The following DPP6 variants were observed in gnomAD, a reference collection of about 807,000 sequenced individuals.
The protein encoded by DPP6 is A-type potassium channel modulatory protein DPP6.
DPP6 carries 69 observed loss-of-function variants against 122.6 expected under a neutral mutation model. The observed-to-expected ratio is 0.56, with a 90% CI of 0.46 to 0.69. The LOEUF is 0.69. Ranked by LOEUF, DPP6 falls within the 30% of genes least tolerant of loss-of-function variation. The pLI, the probability that DPP6 is intolerant of heterozygous loss-of-function variation, is 0.00. For missense variants in DPP6, 928 were observed against 1,116.9 expected, an observed-to-expected ratio of 0.83 and a Z score of 2.41; for synonymous variants, 418 against 433.1, an observed-to-expected ratio of 0.97 and a Z score of 0.43.
At position 154,772,897 on chromosome 7, in the gene DPP6, C is replaced by T; in HGVS notation, c.1091C>T (p.Pro364Leu). ...CTACACGTTATTGGCTTAAATGGAC[C>T]CACCCATGATCTGGAGATGATGCCG... Reference protein sequence around the residue: ...ISLHVIGLNGPTHDLEMMPPD... With the variant: ...ISLHVIGLNGLTHDLEMMPPD... Residue 364 changes from proline to leucine, a missense_variant, in exon 10 of 26, where the codon CCC (proline) becomes CTC (leucine). By Grantham distance (98) the Pro-to-Leu change is moderately conservative (BLOSUM62 -3). Coordinates refer to ENST00000377770, the MANE Select transcript of DPP6 (RefSeq NM_130797.4). 1.2e-6 allele frequency: 2 copies of T among 1,612,936 alleles called. No individual in the cohort carries two copies. The highest frequency in any genetic ancestry group is 1.7e-6 in the Non-Finnish European group (2 of 1,179,550).
At chr7:153,834,795 A>G in the DPP6 span, among the ~76,000 whole-genome samples, 1 of 151,104 alleles carries the variant, frequency 6.6e-6, no homozygotes, top group Non-Finnish European at 1.5e-5. Context: ...TTTCATATAG[A>G]GAAACAACGT....
intron 5 of DPP6, among the ~76,000 whole-genome samples, chr7:154,630,940 AAAGT>A (rs1835370466): frequency 6.6e-6 from 1 of 152,218 alleles, no homozygotes; most frequent in African/African-American, 2.4e-5. Context: ...CCCAGAACTT[AAAGT>A]AAAATTTAAA....
chr7:154,887,732 G>A lies in DPP6; in HGVS notation c.2302G>A (p.Glu768Lys), dbSNP rs773332474. The A allele has an allele frequency of 5.0e-6, 8 of 1,613,760 alleles. No individual in the cohort carries two copies. The highest frequency in any genetic ancestry group is 6.8e-6 in the Non-Finnish European group (8 of 1,179,720). The change falls in exon 23 of 26, where the codon GAG becomes AAG. Residue 768 changes from glutamate (E) to lysine (K), a missense_variant and splice_region_variant. By Grantham distance (56) the Glu-to-Lys change is moderately conservative. Transcript: ENST00000377770. The stretch of plus-strand genomic sequence containing the variant: ...CCATGGACTTGACAACAGAGCATAC[G>A]AGGTGTGTATGGGCACAACTAGAGA... ...GLHGLDNRAYEMTKVAHRVSA... is the reference protein window; with the variant it reads ...GLHGLDNRAYKMTKVAHRVSA...
At chr7:154,285,198 T>C (rs1373994439) in intron 1 of DPP6, among the ~76,000 whole-genome samples, 2 of 152,246 alleles carry the variant, frequency 1.3e-5, no homozygotes, top group Non-Finnish European at 2.9e-5. Flanking sequence ...TTAACTAGTT[T>C]ATTTTAATTA....
chr7:154,004,235 CGTCA>C (rs1797810523), intron 1 of DPP6, among the ~76,000 whole-genome samples: 1 of 152,126 alleles, frequency 6.6e-6, no homozygotes, highest in South Asian at 2.1e-4. Flanking sequence ...TGTTTTCTGT[CGTCA>C]GTTAGTAAAT....
At chr7:154,348,800 C>T (rs1211059920) in intron 1 of DPP6, among the ~76,000 whole-genome samples, 1 of 152,198 alleles carries the variant, frequency 6.6e-6, no homozygotes, top group African/African-American at 2.4e-5. Context: ...GGAAGGGTTA[C>T]TTTTTGCCTA....
At chr7:154,313,524 C>T (rs1301912578) in intron 1 of DPP6, among the ~76,000 whole-genome samples, 1 of 151,196 alleles carries the variant, frequency 6.6e-6, no homozygotes, top group East Asian at 1.9e-4. Flanking sequence ...GTGACTTGGA[C>T]ATCAAAATTT....
intron 3 of DPP6, among the ~76,000 whole-genome samples, chr7:154,529,568 C>T (rs1295597844): frequency 6.6e-6 from 1 of 152,182 alleles, no homozygotes; most frequent in African/African-American, 2.4e-5. Context: ...GAAAGCTAAT[C>T]ATTTGACCTG....
At chr7:153,756,202 G>A in the DPP6 span, among the ~76,000 whole-genome samples, 7 of 151,472 alleles carry the variant, frequency 4.6e-5, no homozygotes, top group South Asian at 2.1e-4. Flanking sequence ...GAATTCCCAG[G>A]TTCCCTCATC....
chr7:154,401,027 C>T (rs1000800167), intron 1 of DPP6, among the ~76,000 whole-genome samples: 2 of 151,992 alleles, frequency 1.3e-5, no homozygotes, highest in African/African-American at 4.8e-5. Flanking sequence ...ATGGCAAAAC[C>T]TCGTCTCTAC....
At chr7:154,778,974 ACCATCACCT>A (rs1277608513) in intron 10 of DPP6, among the ~76,000 whole-genome samples, 323 of 121,584 alleles carry the variant, frequency 2.7e-3, no homozygotes, top group Middle Eastern at 6.3e-3. Flanking sequence ...CTCCGCTACC[ACCATCACCT>A]CCATCACCTC....
chr7:154,884,847 T>C (rs534056238), intron 21 of DPP6: 2 of 152,434 alleles, frequency 1.3e-5, no homozygotes, highest in East Asian at 3.9e-4. Context: ...ACACATGTGC[T>C]TATACACATA....
chr7:153,827,001 A>C, the DPP6 span, among the ~76,000 whole-genome samples: 1 of 31,306 alleles, frequency 3.2e-5, no homozygotes. Context: ...AAATCATTAA[A>C]ATTAACCTTT....
At chr7:154,752,701 C>T (rs745526945) in intron 8 of DPP6, among the ~76,000 whole-genome samples, 7 of 152,154 alleles carry the variant, frequency 4.6e-5, no homozygotes, top group African/African-American at 7.2e-5. Context: ...GTAGCTCTGA[C>T]GTGCCCAAGA....
intron 1 of DPP6, among the ~76,000 whole-genome samples, chr7:153,964,764 C>T (rs547593540): frequency 6.9e-6 from 1 of 144,802 alleles, no homozygotes; most frequent in Admixed American, 6.8e-5. Flanking sequence ...TGATGCTCCA[C>T]ATTCTTCTCC....
At chr7:154,061,062 G>A (rs1322586156) in intron 1 of DPP6, among the ~76,000 whole-genome samples, 39 of 80,284 alleles carry the variant, frequency 4.9e-4, no homozygotes, top group Middle Eastern at 0.012. Context: ...ACGATCCGAC[G>A]GGTCCGAACG....
intron 8 of DPP6, among the ~76,000 whole-genome samples, chr7:154,746,223 C>A (rs1343027330): frequency 6.6e-6 from 1 of 152,088 alleles, no homozygotes. Flanking sequence ...AAAGACACAA[C>A]CTGGAAAAAG....
intron 25 of DPP6, 47 bp from the exon 26 acceptor site, chr7:154,892,286 TG>T (rs1019205195): frequency 7.4e-6 from 12 of 1,613,140 alleles, no homozygotes; most frequent in Non-Finnish European, 8.5e-6. Context: ...TCCCGTCCCC[TG>T]GGGAGCGTAT....
intron 1 of DPP6, among the ~76,000 whole-genome samples, chr7:153,955,675 G>A (rs1273191841): frequency 6.6e-6 from 1 of 152,132 alleles, no homozygotes; most frequent in Admixed American, 6.6e-5. Context: ...CTGAGCTCAG[G>A]CGATCCACCC....
Sources: gnomAD v4.1 joint callset for allele counts (sites outside exome capture counted in the v4.1 genomes callset) on GRCh38, gnomAD v4.1.1 for gene constraint, MANE v1.5 for transcripts, NCBI Gene and HGNC (gene_info 2026-07-23, HGNC 2026-07-21) for gene names.